Variants in POLR2L observed in about 807,000 individuals in gnomAD.
POLR2L encodes the protein RNA polymerase II, I and III subunit L, also known as DNA-directed RNA polymerases I, II, and III subunit RPABC5.
In POLR2L, 7 loss-of-function variants were observed where a neutral mutation model predicts 6.8. That is an observed-to-expected ratio of 1.03 (90% CI 0.59 to 1.94). The LOEUF is 1.94. Ranked by LOEUF, POLR2L falls within the 30% of genes most tolerant of loss-of-function variation. The pLI is 0.00. For synonymous variants in POLR2L, 59 were observed against 39.8 expected (o/e 1.48, Z -1.82); for missense variants, 93 against 86.7 (o/e 1.07, Z -0.29).
chr11:840,724 CGTGT>C (rs111898251), intron 1 of POLR2L, among the ~76,000 whole-genome samples: 1 of 152,130 alleles, frequency 6.6e-6, no homozygotes, highest in Non-Finnish European at 1.5e-5. Flanking sequence ...TCTGGCTGTA[CGTGT>C]GTGTGTATAA....
intron 1 of POLR2L, among the ~76,000 whole-genome samples, 198 bp downstream of exon 1, chr11:842,216 A>G (rs1021385134): frequency 6.6e-6 from 1 of 152,184 alleles, no homozygotes; most frequent in Non-Finnish European, 1.5e-5. Context: ...TCTTCCCCAG[A>G]CTTCAGGGGA....
rs1352766798 is a variant in POLR2L, at chr11:842,448, A to T, written c.61T>A (p.Tyr21Asn). The stretch of plus-strand genomic sequence containing the variant: ...TACTCGGCCTGCAGCAGCCCCAGGT[A>T]AGCCTCCCACTTGTTGCCGACGATC... ...GKIVGNKWEA[Y>N]LGLLQAEYTE... The change falls in exon 1 of 2, where the codon TAC becomes AAC. Residue 21 changes from tyrosine (Y) to asparagine (N), a missense_variant. By Grantham distance (143) the Tyr-to-Asn change is moderately radical. Transcript: ENST00000322028. The T allele has an allele frequency of 6.3e-7, 1 of 1,593,894 alleles. No homozygotes were observed. The highest frequency in any genetic ancestry group is 2.4e-5 in the East Asian group (1 of 42,440).
intron 1 of POLR2L, 105 bp downstream of exon 1, chr11:842,309 G>A (rs761661028): frequency 7.1e-5 from 51 of 720,794 alleles, no homozygotes; most frequent in Non-Finnish European, 9.1e-5. Context: ...GCCTCAGGCA[G>A]CGCTGCGCCT....
intron 1 of POLR2L, 130 bp downstream of exon 1, chr11:842,284 G>A (rs1282718099): frequency 5.7e-6 from 3 of 530,844 alleles, no homozygotes; most frequent in Middle Eastern, 4.6e-4. Flanking sequence ...GCCTGAAGCT[G>A]CTCATGGGGC....
chr11:841,319 A>G (rs1846959585), intron 1 of POLR2L, among the ~76,000 whole-genome samples: 1 of 152,252 alleles, frequency 6.6e-6, no homozygotes, highest in Non-Finnish European at 1.5e-5. Context: ...CAGCGGGGGC[A>G]CCAAGACTCA....
In POLR2L at chr11:840,346, C is replaced by A; in HGVS notation, c.*26G>T. ...GGACGCTCAGGGCCCATGGTCAGCA[C>A]AGCGGGTGGGTGGGTTCCAGCGTGG... On this transcript the variant is annotated 3_prime_UTR_variant, in exon 2 of 2. Coordinates refer to ENST00000322028, the MANE Select transcript of POLR2L (RefSeq NM_021128.5). The A allele has an allele frequency of 6.8e-7, 1 of 1,460,630 alleles. No homozygotes were observed. The highest frequency in any genetic ancestry group is 9.5e-7 in the Non-Finnish European group (1 of 1,050,452). 90.5% of individuals were successfully genotyped at this position (1,460,630 alleles called of 1,614,324 possible).
intron 1 of POLR2L, 113 bp from the exon 2 acceptor site, chr11:840,593 G>A (rs980558240): frequency 2.3e-5 from 16 of 699,612 alleles, no homozygotes; most frequent in East Asian, 1.1e-4. Flanking sequence ...CCCCGCCACC[G>A]GCAAGGCGAA....
At chr11:842,374 C>G (rs780159222) in intron 1 of POLR2L, 40 bp downstream of exon 1, 186 of 1,481,922 alleles carry the variant, frequency 1.3e-4, no homozygotes, top group Admixed American at 1.9e-4. Flanking sequence ...GGCCCGCGCC[C>G]CACGGCGGAC....
chr11:842,192 G>A (rs2133969097), intron 1 of POLR2L, among the ~76,000 whole-genome samples: 1 of 152,322 alleles, frequency 6.6e-6, no homozygotes, highest in South Asian at 2.1e-4. Flanking sequence ...CTGGTTTGAA[G>A]CCCAACTCCG....
chr11:841,011 G>A (rs1172830823), intron 1 of POLR2L, among the ~76,000 whole-genome samples: 2 of 152,202 alleles, frequency 1.3e-5, no homozygotes, highest in African/African-American at 4.8e-5. Context: ...AAGCCAATTA[G>A]AAGCTTTCAT....
chr11:841,612 G>T lies in POLR2L; in HGVS notation c.95+802C>A, dbSNP rs958091009. Reference sequence around the variant, plus strand: ...ACCGCCATGTCCGGCGAATTAAAAAGATAGAGCCAGGCGCGGTGGCTCACG... The same window carrying T: ...ACCGCCATGTCCGGCGAATTAAAAATATAGAGCCAGGCGCGGTGGCTCACG... On this transcript the variant is annotated intron_variant, in intron 1 of 1. Transcript: ENST00000322028. 7.2e-5 allele frequency among the ~76,000 whole-genome samples: 11 copies of T among 152,284 alleles called. 1 individual carries two copies. The East Asian group carries it at 1.5e-3, about 21-fold the overall frequency.
At chr11:842,104 G>C (rs577595534) in intron 1 of POLR2L, among the ~76,000 whole-genome samples, 5 of 150,684 alleles carry the variant, frequency 3.3e-5, no homozygotes, top group African/African-American at 9.8e-5. Flanking sequence ...GATGGGAATA[G>C]GGCGGAGGCC....
intron 1 of POLR2L, among the ~76,000 whole-genome samples, chr11:841,648 C>T (rs1184491649): frequency 6.6e-6 from 1 of 152,228 alleles, no homozygotes; most frequent in African/African-American, 2.4e-5. Flanking sequence ...CCTGTAACCT[C>T]AGCACTTTGG....
intron 1 of POLR2L, among the ~76,000 whole-genome samples, chr11:842,129 G>T (rs546445932): frequency 1.6e-4 from 24 of 152,324 alleles, no homozygotes; most frequent in African/African-American, 5.8e-4. Flanking sequence ...GCTTTACTGC[G>T]GGTGACAAGA....
In POLR2L at chr11:840,324, C is replaced by G; in HGVS notation, c.*48G>C. The G allele has an allele frequency of 8.0e-7, 1 of 1,251,754 alleles. No homozygotes were observed. Among genetic ancestry groups the G allele is most frequent in the Non-Finnish European group, 1.1e-6 (1 of 873,422 alleles). 77.5% of individuals were successfully genotyped at this position (1,251,754 alleles called of 1,614,324 possible). On this transcript the variant is annotated 3_prime_UTR_variant, in exon 2 of 2. Transcript: ENST00000322028. ...TCAGCCTCGTGAATTCGGGGCAGGA[C>G]GCTCAGGGCCCATGGTCAGCACAGC...
rs757190072 is a variant in POLR2L at position 842,520 on chromosome 11, G to A, written c.-12C>T. ...ACAGGGATGATCATGGCGGCGGCGC[G>A]TCCCAGACTGCCCGGCCCGGCCCGG... On this transcript the variant is annotated 5_prime_UTR_variant, in exon 1 of 2. In the 5' UTR this introduces an upstream ATG that the reference lacks. Transcript: ENST00000322028. The A allele has an allele frequency of 4.5e-6, 7 of 1,566,464 alleles. No individual in the cohort carries two copies. Among genetic ancestry groups the A allele is most frequent in the South Asian group, 1.2e-5 (1 of 86,384 alleles).
chr11:842,386 C>T (rs778670873), intron 1 of POLR2L, 28 bp downstream of exon 1: 66 of 1,533,094 alleles, frequency 4.3e-5, no homozygotes, highest in Middle Eastern at 1.7e-4. Flanking sequence ...ACGGCGGACT[C>T]AGCCCCTAGC....
chr11:840,962 A>G (rs1214275393), intron 1 of POLR2L, among the ~76,000 whole-genome samples: 1 of 152,058 alleles, frequency 6.6e-6, no homozygotes, highest in African/African-American at 2.4e-5. Flanking sequence ...TCCATCAGAG[A>G]GAGACTGCTT....
chr11:840,421 T>C lies in POLR2L; in HGVS notation c.155A>G (p.His52Arg), dbSNP rs1225508578. The change falls in exon 2 of 2, where the codon CAC (histidine) becomes CGC (arginine). Residue 52 changes from histidine (H) to arginine (R), a missense_variant. Physicochemically the swap from His to Arg is conservative, Grantham distance 29. Transcript: ENST00000322028. ...GAGCAGCTTCTCGATCAGGTCCACG[T>C]GGGCCAGCAGCATCCGGCGGCAGCA... ...RYCCRRMLLA[H>R]VDLIEKLLNY... is the part of the protein sequence containing the mutation. 1 of 1,612,178 alleles carries C rather than the reference T, an allele frequency of 6.2e-7. No individual in the cohort carries two copies. Among genetic ancestry groups the C allele is most frequent in the Non-Finnish European group, 8.5e-7 (1 of 1,179,684 alleles).
Sources: gnomAD v4.1 joint callset for allele counts (sites outside exome capture counted in the v4.1 genomes callset) on GRCh38, gnomAD v4.1.1 for gene constraint, MANE v1.5 for transcripts, NCBI Gene and HGNC (gene_info 2026-07-23, HGNC 2026-07-21) for gene names.